The following PPP1R12A variants were observed in gnomAD, a reference collection of about 807,000 sequenced individuals.
PPP1R12A encodes the protein protein phosphatase 1 regulatory subunit 12A.
PPP1R12A carries 19 observed loss-of-function variants against 139.6 expected under a neutral mutation model. That is an observed-to-expected ratio of 0.14 (90% CI 0.09 to 0.20). The LOEUF (loss-of-function observed/expected upper bound fraction) is 0.20. Among genes scored for constraint, PPP1R12A ranks in the 10% least tolerant of loss-of-function variants. The pLI, the probability that PPP1R12A is intolerant of heterozygous loss-of-function variation, is 1.00. For synonymous variants in PPP1R12A, 427 were observed against 420.6 expected, an observed-to-expected ratio of 1.02 and a Z score of -0.19; for missense variants, 925 against 1,211.5, an observed-to-expected ratio of 0.76 and a Z score of 3.51.
intron 2 of PPP1R12A, among the ~76,000 whole-genome samples, chr12:79,862,434 C>T (rs1048123941): frequency 1.3e-5 from 2 of 152,130 alleles, no homozygotes; most frequent in African/African-American, 4.8e-5. Flanking sequence ...CAACTCCTCA[C>T]CAGCAAGGGA....
chr12:79,817,361 C>T, intron 9 of PPP1R12A, 33 bp downstream of exon 9: 2 of 1,588,894 alleles, frequency 1.3e-6, no homozygotes, highest in South Asian at 1.1e-5. Context: ...AAATAGAATA[C>T]ATGTATTTTC....
chr12:79,790,727 G>T (rs1435044876), intron 19 of PPP1R12A, among the ~76,000 whole-genome samples: 1 of 152,176 alleles, frequency 6.6e-6, no homozygotes, highest in African/African-American at 2.4e-5. Flanking sequence ...CAAGTGGTAT[G>T]CTACACTGAA....
intron 1 of PPP1R12A, among the ~76,000 whole-genome samples, chr12:79,932,768 G>A (rs185144066): frequency 6.6e-6 from 1 of 152,128 alleles, no homozygotes. Context: ...GCAGTTAAAT[G>A]TATTTTCTCT....
chr12:79,881,803 T>G (rs559409544), intron 1 of PPP1R12A, among the ~76,000 whole-genome samples: 1 of 152,298 alleles, frequency 6.6e-6, no homozygotes, highest in East Asian at 1.9e-4. Context: ...TTTGAATCTC[T>G]TTTCAGGGGC....
At chr12:79,891,272 T>C (rs150679322) in intron 1 of PPP1R12A, among the ~76,000 whole-genome samples, 1 of 152,276 alleles carries the variant, frequency 6.6e-6, no homozygotes, top group African/African-American at 2.4e-5. Flanking sequence ...TAAATAATAT[T>C]TTCCATTTTA....
chr12:79,870,461 C>T (rs1329616388), intron 2 of PPP1R12A, among the ~76,000 whole-genome samples: 2 of 152,196 alleles, frequency 1.3e-5, no homozygotes. Flanking sequence ...GGGCTATCAT[C>T]ACCTTAACAA....
intron 24 of PPP1R12A, chr12:79,777,186 T>C (rs941593700): frequency 5.6e-6 from 5 of 899,638 alleles, no homozygotes; most frequent in Non-Finnish European, 6.6e-6. Context: ...TTATATACTG[T>C]TGGTTTTCTC....
intron 1 of PPP1R12A, among the ~76,000 whole-genome samples, chr12:79,915,927 T>A (rs1313182193): frequency 6.6e-6 from 1 of 152,058 alleles, no homozygotes; most frequent in Non-Finnish European, 1.5e-5. Flanking sequence ...CCTTTCCATG[T>A]GCTTTACAAA....
chr12:79,850,546 G>GTTC (rs1302418944), intron 2 of PPP1R12A, among the ~76,000 whole-genome samples: 3 of 152,192 alleles, frequency 2.0e-5, no homozygotes, highest in Non-Finnish European at 4.4e-5. Context: ...TGAGAACTTA[G>GTTC]TGAAGAGAGA....
intron 2 of PPP1R12A, among the ~76,000 whole-genome samples, chr12:79,861,731 T>C (rs892102025): frequency 1.3e-5 from 2 of 152,050 alleles, no homozygotes; most frequent in Non-Finnish European, 2.9e-5. Flanking sequence ...CAACCTGCAA[T>C]GTGGGAGCTT....
chr12:79,894,265 C>T (rs569812591), intron 1 of PPP1R12A, among the ~76,000 whole-genome samples: 110 of 152,284 alleles, frequency 7.2e-4, no homozygotes, highest in Non-Finnish European at 1.3e-3. Flanking sequence ...AGACTACCAA[C>T]GCACAGAAGG....
At chr12:79,810,118 A>C in intron 9 of PPP1R12A, 108 bp from the exon 10 acceptor site, 1 of 922,950 alleles carries the variant, frequency 1.1e-6, no homozygotes, top group Non-Finnish European at 1.6e-6. Context: ...ATTATGGTTT[A>C]CAGTTTCAGG....
At chr12:79,776,109 C>A (rs1158147901) in intron 24 of PPP1R12A, 94 bp from the exon 25 acceptor site, 2 of 760,714 alleles carry the variant, frequency 2.6e-6, no homozygotes, top group Non-Finnish European at 4.1e-6. Flanking sequence ...CCACAAAACA[C>A]ATGATCAAGC....
At chr12:79,821,054 A>G in intron 7 of PPP1R12A, 24 bp downstream of exon 7, 2 of 1,597,414 alleles carry the variant, frequency 1.3e-6, no homozygotes, top group Non-Finnish European at 1.7e-6. Flanking sequence ...AAAAATAACA[A>G]ATGTACTTGA....
chr12:79,889,168 G>A (rs1592775683), intron 1 of PPP1R12A, among the ~76,000 whole-genome samples: 1 of 152,136 alleles, frequency 6.6e-6, no homozygotes, highest in Admixed American at 6.5e-5. Flanking sequence ...GATATATTTT[G>A]TGTGTGTGTA....
At chr12:79,792,727 C>T (rs1872043734) in intron 19 of PPP1R12A, among the ~76,000 whole-genome samples, 1 of 151,976 alleles carries the variant, frequency 6.6e-6, no homozygotes, top group South Asian at 2.1e-4. Context: ...CTGGAGTCTG[C>T]GTGATAAGGC....
chr12:79,840,600 T>G (rs1003674485), intron 3 of PPP1R12A, among the ~76,000 whole-genome samples: 7 of 152,204 alleles, frequency 4.6e-5, no homozygotes, highest in African/African-American at 1.7e-4. Flanking sequence ...GAAACTTTAG[T>G]AAGTTAGGCT....
At chr12:79,897,510 C>T (rs1343762514) in intron 1 of PPP1R12A, among the ~76,000 whole-genome samples, 1 of 151,684 alleles carries the variant, frequency 6.6e-6, no homozygotes, top group Non-Finnish European at 1.5e-5. Flanking sequence ...CATGTACCCT[C>T]TAAATCTAAA....
rs768704758 is a variant in PPP1R12A, at chr12:79,828,314, G to A, written c.792+6C>T. On this transcript the variant is annotated splice_donor_region_variant and intron_variant, in intron 5 of 24. Coordinates refer to ENST00000450142, the MANE Select transcript of PPP1R12A (RefSeq NM_002480.3). The stretch of plus-strand genomic sequence containing the variant: ...TAAAGTATTAAAATACGTTTAAAAC[G>A]CCTACCACTTTGTTGACCATCTCCA... The A allele has an allele frequency of 7.5e-6, 12 of 1,601,542 alleles. No individual in the cohort carries two copies. The highest frequency in any genetic ancestry group is 4.5e-5 in the East Asian group (2 of 44,646).
Sources: gnomAD v4.1 joint callset for allele counts (sites outside exome capture counted in the v4.1 genomes callset) on GRCh38, gnomAD v4.1.1 for gene constraint, MANE v1.5 for transcripts, NCBI Gene and HGNC (gene_info 2026-07-23, HGNC 2026-07-21) for gene names.